Variants in DDX60 observed in about 807,000 individuals in gnomAD.
The protein encoded by DDX60 is probable ATP-dependent RNA helicase DDX60.
Under a neutral mutation model 212.8 loss-of-function variants are expected in DDX60, and 165 were observed. That is an observed-to-expected ratio of 0.78 (90% CI 0.68 to 0.88). The LOEUF (loss-of-function observed/expected upper bound fraction) is 0.88. Among genes scored for constraint, DDX60 ranks in the 40% least tolerant of loss-of-function variants. The pLI, the probability that DDX60 is intolerant of heterozygous loss-of-function variation, is 0.00. For synonymous variants in DDX60, 703 were observed against 685.3 expected, an observed-to-expected ratio of 1.03 and a Z score of -0.40; for missense variants, 1,905 against 2,003.9, an observed-to-expected ratio of 0.95 and a Z score of 0.94.
Position 168,268,854 on chromosome 4 carries a change from T to TA in DDX60, c.2785_2786insT (p.Glu929ValfsTer18), listed in dbSNP as rs1214722869. 1.3e-6 allele frequency: 2 copies of TA among 1,521,262 alleles called. No individual in the cohort carries two copies. Among genetic ancestry groups the TA allele is most frequent in the Non-Finnish European group, 1.8e-6 (2 of 1,116,102 alleles). 94.2% of individuals were successfully genotyped at this position (1,521,262 alleles called of 1,614,324 possible). ...GTCCAAATTGAAACTTAATGCCTAC[T>TA]CGGTGAGATGTTCAGGATTACTTAT... On this transcript the variant is annotated frameshift_variant and splice_region_variant, in exon 20 of 38. Transcript: ENST00000393743. LOFTEE classifies it high-confidence loss of function.
At chr4:168,280,796 C>G (rs1735560664) in intron 13 of DDX60, among the ~76,000 whole-genome samples, 1 of 152,148 alleles carries the variant, frequency 6.6e-6, no homozygotes, top group Non-Finnish European at 1.5e-5. Context: ...AGTGTAAAGG[C>G]TCTCTGTAGA....
At chr4:168,310,928 A>G (rs1335925910) in intron 3 of DDX60, 70 bp downstream of exon 3, 29 of 912,158 alleles carry the variant, frequency 3.2e-5, no homozygotes, top group Non-Finnish European at 4.9e-5. Flanking sequence ...ATAAATCAGC[A>G]TAAGGCCAAA....
At chr4:168,272,802 A>G (rs1024932905) in intron 18 of DDX60, among the ~76,000 whole-genome samples, 9 of 152,216 alleles carry the variant, frequency 5.9e-5, no homozygotes, top group African/African-American at 2.2e-4. Flanking sequence ...GCAATCTTCT[A>G]TAATCATGTG....
At chr4:168,219,596 C>G (rs1440768115) in intron 37 of DDX60, among the ~76,000 whole-genome samples, 5 of 152,110 alleles carry the variant, frequency 3.3e-5, no homozygotes, top group African/African-American at 1.2e-4. Context: ...CAGGCCGATT[C>G]TGCTCAGATC....
intron 14 of DDX60, among the ~76,000 whole-genome samples, chr4:168,278,842 C>CA (rs976954708): frequency 6.6e-6 from 1 of 151,966 alleles, no homozygotes; most frequent in Non-Finnish European, 1.5e-5. Flanking sequence ...CAGAACAAAA[C>CA]AAAAAAACTA....
At chr4:168,270,393 G>C (rs1735037823) in intron 19 of DDX60, among the ~76,000 whole-genome samples, 1 of 152,194 alleles carries the variant, frequency 6.6e-6, no homozygotes, top group African/African-American at 2.4e-5. Context: ...GTACTGGTGA[G>C]ATAAAATACC....
intron 33 of DDX60, 83 bp from the exon 34 acceptor site, chr4:168,225,759 C>T (rs1449226636): frequency 8.7e-6 from 11 of 1,270,336 alleles, no homozygotes; most frequent in Non-Finnish European, 1.2e-5. Context: ...AGGTAAAGAA[C>T]ATTGCAATAT....
Position 168,229,280 on chromosome 4 carries a change from G to T in DDX60, c.4534-3604C>A, listed in dbSNP as rs114808146. Reference sequence around the variant, plus strand: ...TTCCAGATCATGGGAGAAGGATCTGGAATTGAGACAAATTTAGAGAGCCAA... The same window carrying T: ...TTCCAGATCATGGGAGAAGGATCTGTAATTGAGACAAATTTAGAGAGCCAA... On this transcript the variant is annotated intron_variant, in intron 33 of 37. Transcript: ENST00000393743. Among the ~76,000 whole-genome samples the T allele has an allele frequency of 4.7e-3, 719 of 152,218 alleles. 4 individuals carry two copies. Among genetic ancestry groups the T allele is most frequent in the African/African-American group, 0.016 (673 of 41,538 alleles).
In DDX60 at chr4:168,303,722, G is replaced by A. The variant is rs145235936; in HGVS notation, c.607-1306C>T. Among the ~76,000 whole-genome samples, 9 of 152,224 alleles carry A rather than the reference G, an allele frequency of 5.9e-5. No individual in the cohort carries two copies. The East Asian group carries it at 1.4e-3, about 23-fold the overall frequency. On this transcript the variant is annotated intron_variant, in intron 5 of 37. Coordinates refer to ENST00000393743, the MANE Select transcript of DDX60 (RefSeq NM_017631.6). ...GCATAGGCTGGGCGTGGTGGCTCAC[G>A]TCTGTAATCCCAGCACTTTGGGAGG...
At chr4:168,310,839 T>G (rs1178422334) in intron 3 of DDX60, among the ~76,000 whole-genome samples, 159 bp downstream of exon 3, 1 of 152,162 alleles carries the variant, frequency 6.6e-6, no homozygotes, top group Non-Finnish European at 1.5e-5. Flanking sequence ...CAATAATTTT[T>G]AAAAAGTTAA....
chr4:168,242,310 C>G (rs1733872610), intron 30 of DDX60, among the ~76,000 whole-genome samples: 1 of 152,252 alleles, frequency 6.6e-6, no homozygotes, highest in East Asian at 1.9e-4. Context: ...AGAAGAGGAC[C>G]CCCACCCTCC....
intron 34 of DDX60, among the ~76,000 whole-genome samples, chr4:168,225,006 T>C (rs1445698835): frequency 6.6e-6 from 1 of 152,042 alleles, no homozygotes; most frequent in Non-Finnish European, 1.5e-5. Context: ...CAAAACACTA[T>C]TTTAAGATTT....
intron 33 of DDX60, among the ~76,000 whole-genome samples, chr4:168,229,519 T>C (rs2149493044): frequency 6.6e-6 from 1 of 151,156 alleles, no homozygotes; most frequent in East Asian, 2.0e-4. Flanking sequence ...GGCAGGGGGG[T>C]AAACAGGGAG....
intron 24 of DDX60, among the ~76,000 whole-genome samples, chr4:168,261,479 T>C (rs1441286851): frequency 6.6e-6 from 1 of 152,208 alleles, no homozygotes; most frequent in Non-Finnish European, 1.5e-5. Flanking sequence ...ATATATGTCA[T>C]TCCTCAATCT....
At chr4:168,306,787 C>T in intron 4 of DDX60, 67 bp from the exon 5 acceptor site, 1 of 1,237,250 alleles carries the variant, frequency 8.1e-7, no homozygotes, top group East Asian at 2.4e-5. Flanking sequence ...TTGGCTAACA[C>T]ATCATTAAAG....
At chr4:168,297,190 T>A (rs1736383409) in intron 6 of DDX60, among the ~76,000 whole-genome samples, 1 of 151,322 alleles carries the variant, frequency 6.6e-6, no homozygotes, top group Admixed American at 6.6e-5. Context: ...ATTACAGGCA[T>A]AAGCCACCAC....
rs1733622742 is a variant in DDX60 at position 168,236,143 on chromosome 4, A to C, written c.4533+109T>G. 2.9e-6 allele frequency: 3 copies of C among 1,031,150 alleles called. No individual in the cohort carries two copies. The African/African-American group carries it at 5.1e-5, about 17-fold the overall frequency. 63.9% of individuals were successfully genotyped at this position (1,031,150 alleles called of 1,614,324 possible). A position where few individuals can be genotyped will look rare whatever the true frequency, so the allele number is the denominator to read the frequency against. ...CAAAAAGAACAAATTATTCTATAAA[A>C]CAAATGAACTGCCCTTTGAATTAAA... On this transcript the variant is annotated intron_variant, in intron 33 of 37. Coordinates refer to ENST00000393743, the MANE Select transcript of DDX60 (RefSeq NM_017631.6).
chr4:168,299,157 C>CAAAAAAAAAAAAAAAAAAAAA (rs1197872492), intron 6 of DDX60, among the ~76,000 whole-genome samples: 1 of 61,936 alleles, frequency 1.6e-5, no homozygotes, highest in African/African-American at 6.2e-5. Flanking sequence ...GAGACTGTCT[C>CAAAAAAAAAAAAAAAAAAAAA]AAAAAAAAAA....
chr4:168,283,301 A>C, intron 13 of DDX60, 145 bp downstream of exon 13: 1 of 684,742 alleles, frequency 1.5e-6, no homozygotes, highest in Non-Finnish European at 2.4e-6. Flanking sequence ...GAGGTAAAAG[A>C]ATAAGTAATC....
Sources: allele counts gnomAD v4.1 joint callset (sites outside exome capture counted in the v4.1 genomes callset), GRCh38; gene constraint gnomAD v4.1.1; transcripts MANE v1.5; gene names NCBI Gene and HGNC (gene_info 2026-07-23, HGNC 2026-07-21).